BEX1: variants seen among roughly 807,000 people sequenced by gnomAD.
BEX1 encodes the protein brain expressed X-linked 1.
For missense variants in BEX1, 86 were observed against 99.2 expected (o/e 0.87, Z 0.57); for synonymous variants, 41 against 33.4 (o/e 1.23, Z -0.79).
At position 103,064,150 on chromosome X, in the gene BEX1, G is replaced by C; in HGVS notation, c.-150C>G. ...AGCCCGCCGAGCGCAGGGCAGCGGG[G>C]AGCTGGTAGCGAGACACGAGTGACG... On this transcript the variant is annotated 5_prime_UTR_variant, in exon 1 of 3. Coordinates refer to ENST00000372728, the MANE Select transcript of BEX1 (RefSeq NM_018476.4). 1.9e-6 allele frequency: 1 copy of C among 520,728 alleles called. No individual in the cohort carries two copies. The highest frequency in any genetic ancestry group is 9.8e-5 in the South Asian group (1 of 10,244). The allele number at this position is 520,728 out of a possible 1,213,427, so 42.9% of individuals were successfully genotyped here. A position where few individuals can be genotyped will look rare whatever the true frequency, so the allele number is the denominator to read the frequency against.
At chrX:103,063,304 G>A (rs1351847672) in intron 2 of BEX1, 25 bp from the exon 3 acceptor site, 1 of 1,189,575 alleles carries the variant, frequency 8.4e-7, no homozygotes, top group Middle Eastern at 2.6e-4. Context: ...GAGAGAGAAG[G>A]GGCTGAACAG....
chrX:103,063,352 T>C (rs999324091), intron 2 of BEX1, 73 bp from the exon 3 acceptor site: 97 of 1,014,893 alleles, frequency 9.6e-5, no homozygotes, highest in Non-Finnish European at 1.1e-4. Context: ...GAGGCACGGC[T>C]ACTCATTTTT....
rs709036 is a variant in BEX1 at position 103,063,156 on chromosome X, G to C, written c.119C>G (p.Ala40Gly). The C allele has an allele frequency of 8.3e-7, 1 of 1,211,856 alleles. No individual in the cohort carries two copies. Among genetic ancestry groups the C allele is most frequent in the East Asian group, 3.0e-5 (1 of 33,833 alleles). ...TCCTCTAGGCACACAGTATTCACCA[G>C]CATCCAAAGGGAGGGCCAAGGGCTC... ...KGEPLALPLD[A>G]GEYCVPRGNR... Residue 40 changes from alanine (A) to glycine (G), a missense_variant, in exon 3 of 3, where the codon GCT (alanine) becomes GGT (glycine). Physicochemically the swap from Ala to Gly is moderately conservative, Grantham distance 60 (BLOSUM62 0). Transcript: ENST00000372728.
At chrX:103,063,541 A>C in intron 2 of BEX1, 101 bp downstream of exon 2, 1 of 347,469 alleles carries the variant, frequency 2.9e-6, no homozygotes. Context: ...CCATCCCTAG[A>C]TCTCGGCAGG....
Position 103,063,086 on chromosome X carries a change from T to C in BEX1, c.189A>G (p.Arg63=). 8.3e-7 allele frequency: 1 copy of C among 1,211,838 alleles called. No homozygotes were observed. The highest frequency in any genetic ancestry group is 1.1e-6 in the Non-Finnish European group (1 of 895,537). The change falls in exon 3 of 3, where the codon AGA becomes AGG. Residue 63 remains arginine (R), a synonymous_variant. Transcript: ENST00000372728. The part of the protein sequence containing the change: ...FRVRQPILQY[R]WDMMHRLGEP... The stretch of plus-strand genomic sequence containing the variant: ...CTCCAAGCCTATGCATCATATCCCA[T>C]CTATACTGCAGGATGGGCTGCCTAA...
chrX:103,062,947 T>C lies in BEX1; in HGVS notation c.328A>G (p.Thr110Ala), dbSNP rs1184353927. Residue 110 changes from threonine to alanine, a missense_variant, in exon 3 of 3, where the codon ACT becomes GCT. Physicochemically the swap from Thr to Ala is moderately conservative, Grantham distance 58. Transcript: ENST00000372728. ...TGATGGTCATGGTGAGGGGGGTCAG[T>C]GCTGACTGCCCGCAGACTATGACTC... ...QLSHSLRAVS[T>A]DPPHHDHHDE... 1 of 1,209,572 alleles carries C rather than the reference T, an allele frequency of 8.3e-7. No individual in the cohort carries two copies. The highest frequency in any genetic ancestry group is 1.1e-6 in the Non-Finnish European group (1 of 895,192).
At position 103,063,171 on chromosome X, in the gene BEX1, G is replaced by T. The variant is rs140998909; in HGVS notation, c.104C>A (p.Ala35Asp). The change falls in exon 3 of 3, where the codon GCC (alanine) becomes GAC (aspartate). Residue 35 changes from alanine to aspartate, a missense_variant. Transcript: ENST00000372728. ...GTATTCACCAGCATCCAAAGGGAGGGCCAAGGGCTCCCCTTTATTAGCAAC... is the reference window on the plus strand; with the variant it reads ...GTATTCACCAGCATCCAAAGGGAGGTCCAAGGGCTCCCCTTTATTAGCAAC... ...EQVANKGEPL[A>D]LPLDAGEYCV... 7.4e-6 allele frequency: 9 copies of T among 1,209,737 alleles called. No homozygotes were observed. The highest frequency in any genetic ancestry group is 1.0e-5 in the Non-Finnish European group (9 of 895,190).
intron 2 of BEX1, 21 bp downstream of exon 2, chrX:103,063,621 A>C: frequency 3.5e-6 from 1 of 285,464 alleles, no homozygotes. Context: ...ACCCGCCCCC[A>C]CCACCGTCCC....
At position 103,063,387 on chromosome X, in the gene BEX1, A is replaced by G. The variant is rs567920079; in HGVS notation, c.-5-108T>C. ...TCAGGATTCCGCGTCATGGCTATCAACATGTTTTGTTTTGTTTAATTTCAC... is the reference window on the plus strand; with the variant it reads ...TCAGGATTCCGCGTCATGGCTATCAGCATGTTTTGTTTTGTTTAATTTCAC... On this transcript the variant is annotated intron_variant, in intron 2 of 2. Transcript: ENST00000372728. The G allele has an allele frequency of 3.3e-4, 292 of 898,158 alleles. 3 individuals carry two copies. In the South Asian group the frequency reaches 7.5e-3, roughly 23 times the overall value. 74.0% of individuals were successfully genotyped at this position (898,158 alleles called of 1,213,427 possible). A position where few individuals can be genotyped will look rare whatever the true frequency, so the allele number is the denominator to read the frequency against.
chrX:103,064,044 T>G (rs1270563866), intron 1 of BEX1, 52 bp downstream of exon 1: 4 of 118,447 alleles, frequency 3.4e-5, no homozygotes, highest in Non-Finnish European at 6.6e-5. Flanking sequence ...GTCGGGGGGG[T>G]CGGTGAGCCT....
rs1045193 is a variant in BEX1 at position 103,062,831 on chromosome X, T to C, written c.*66A>G. On this transcript the variant is annotated 3_prime_UTR_variant, in exon 3 of 3. Coordinates refer to ENST00000372728, the MANE Select transcript of BEX1 (RefSeq NM_018476.4). ...GGTAAAGGTTTACAACAAGGGCACA[T>C]CATGAACATGTAAATTCGAAAGCAG... is the stretch of plus-strand genomic sequence containing the variant. 8.5e-7 allele frequency: 1 copy of C among 1,179,737 alleles called. No homozygotes were observed.
rs959049131 is a variant in BEX1 at position 103,063,241 on chromosome X, G to C, written c.34C>G (p.Leu12Val). Residue 12 changes from leucine to valine, a missense_variant, in exon 3 of 3, where the codon CTC becomes GTC. Physicochemically the swap from Leu to Val is conservative, Grantham distance 32. Coordinates refer to ENST00000372728, the MANE Select transcript of BEX1 (RefSeq NM_018476.4). The part of the protein sequence containing the change: ...ESKEKRAVNS[L>V]SMENANQENE... ...TCTTGGTTGGCATTTTCCATGCTGA[G>C]ACTGTTTACTGCTCGTTTCTCTTTG... 8.3e-7 allele frequency: 1 copy of C among 1,211,292 alleles called. No individual in the cohort carries two copies. Among genetic ancestry groups the C allele is most frequent in the Admixed American group, 2.2e-5 (1 of 46,018 alleles).
Position 103,063,093 on chromosome X carries a change from T to C in BEX1, c.182A>G (p.Gln61Arg). The part of the protein sequence containing the change: ...RRFRVRQPIL[Q>R]YRWDMMHRLG... The stretch of plus-strand genomic sequence containing the variant: ...CCTATGCATCATATCCCATCTATAC[T>C]GCAGGATGGGCTGCCTAACGCGGAA... Residue 61 changes from glutamine (Q) to arginine (R), a missense_variant, in exon 3 of 3, where the codon CAG (glutamine) becomes CGG (arginine). Gln to Arg is a conservative substitution (Grantham distance 43, BLOSUM62 1). Transcript: ENST00000372728. The C allele has an allele frequency of 2.5e-6, 3 of 1,212,047 alleles. No homozygotes were observed. The highest frequency in any genetic ancestry group is 3.3e-6 in the Non-Finnish European group (3 of 895,539).
Position 103,063,292 on chromosome X carries a change from A to G in BEX1, c.-5-13T>C, listed in dbSNP as rs1156944518. 8.4e-7 allele frequency: 1 copy of G among 1,196,647 alleles called. No homozygotes were observed. ...GACTCCATTACTCCTAGGAGACAAAAGGAGAGAGAAGGGGCTGAACAGCTG... is the reference window on the plus strand; with the variant it reads ...GACTCCATTACTCCTAGGAGACAAAGGGAGAGAGAAGGGGCTGAACAGCTG... On this transcript the variant is annotated splice_polypyrimidine_tract_variant and intron_variant, in intron 2 of 2. Coordinates refer to ENST00000372728, the MANE Select transcript of BEX1 (RefSeq NM_018476.4).
rs1045175 is a variant in BEX1, at chrX:103,062,869, G to A, written c.*28C>T. On this transcript the variant is annotated 3_prime_UTR_variant, in exon 3 of 3. Transcript: ENST00000372728. ...AATTCGAAAGCAGGGGTCTGTTTCC[G>A]TAATAACTTTAGGGAAACCATCAGG... 57 of 1,201,741 alleles carry A rather than the reference G, an allele frequency of 4.7e-5. No homozygotes were observed. In the African/African-American group the frequency reaches 9.0e-4, roughly 19 times the overall value.
chrX:103,063,501 G>T (rs1921601487), intron 2 of BEX1, 141 bp downstream of exon 2: 13 of 280,433 alleles, frequency 4.6e-5, no homozygotes, highest in Non-Finnish European at 6.9e-5. Context: ...TCCCCTACCT[G>T]CCCCCAAACC....
Position 103,062,787 on chromosome X carries a change from C to A in BEX1, c.*110G>T. The A allele has an allele frequency of 9.6e-7, 1 of 1,040,089 alleles. No homozygotes were observed. The highest frequency in any genetic ancestry group is 1.3e-6 in the Non-Finnish European group (1 of 769,680). The allele number at this position is 1,040,089 out of a possible 1,213,427, so 85.7% of individuals were successfully genotyped here. On this transcript the variant is annotated 3_prime_UTR_variant, in exon 3 of 3. Coordinates refer to ENST00000372728, the MANE Select transcript of BEX1 (RefSeq NM_018476.4). ...TCAATTAGAAGCTGGTAATAGGAGA[C>A]CCACGTAAACAAGTGACAGGTAAAG...
chrX:103,062,727 C>G lies in BEX1; in HGVS notation c.*170G>C. 1 of 702,480 alleles carries G rather than the reference C, an allele frequency of 1.4e-6. No homozygotes were observed. Among genetic ancestry groups the G allele is most frequent in the Non-Finnish European group, 2.0e-6 (1 of 492,743 alleles). 57.9% of individuals were successfully genotyped at this position (702,480 alleles called of 1,213,427 possible). A position where few individuals can be genotyped will look rare whatever the true frequency, so the allele number is the denominator to read the frequency against. Reference sequence around the variant, plus strand: ...GCAATAGGTAAAATTCTTCTGCTAACAAAAATCTTACAGACTGGTTCAAAA... The same window carrying G: ...GCAATAGGTAAAATTCTTCTGCTAAGAAAAATCTTACAGACTGGTTCAAAA... On this transcript the variant is annotated 3_prime_UTR_variant, in exon 3 of 3. Transcript: ENST00000372728.
In BEX1 at chrX:103,063,248, T is replaced by A; in HGVS notation, c.27A>T (p.Val9=). 1 of 1,211,036 alleles carries A rather than the reference T, an allele frequency of 8.3e-7. No individual in the cohort carries two copies. The highest frequency in any genetic ancestry group is 1.1e-6 in the Non-Finnish European group (1 of 895,165). Residue 9 remains valine (V), a synonymous_variant, in exon 3 of 3, where the codon GTA becomes GTT. Coordinates refer to ENST00000372728, the MANE Select transcript of BEX1 (RefSeq NM_018476.4). Reference sequence around the variant, plus strand: ...TGGCATTTTCCATGCTGAGACTGTTTACTGCTCGTTTCTCTTTGGACTCCA... The same window carrying A: ...TGGCATTTTCCATGCTGAGACTGTTAACTGCTCGTTTCTCTTTGGACTCCA... MESKEKRA[V]NSLSMENANQ... is the part of the protein sequence containing the mutation.
Sources: allele counts gnomAD v4.1 joint callset, GRCh38; gene constraint gnomAD v4.1.1; transcripts MANE v1.5; gene names NCBI Gene and HGNC (gene_info 2026-07-23, HGNC 2026-07-21).